NWD2: variants seen among roughly 807,000 people sequenced by gnomAD.
NWD2 encodes NACHT and WD repeat domain containing 2, also known as NACHT and WD repeat domain-containing protein 2.
NWD2 carries 37 observed loss-of-function variants against 132.7 expected under a neutral mutation model. That is an observed-to-expected ratio of 0.28 (90% CI 0.21 to 0.37). The LOEUF (loss-of-function observed/expected upper bound fraction) is 0.37. Ranked by LOEUF, NWD2 falls within the 10% of genes least tolerant of loss-of-function variation. The pLI is 1.00. For synonymous variants in NWD2, 705 were observed against 803.0 expected, an observed-to-expected ratio of 0.88 and a Z score of 2.06; for missense variants, 1,592 against 2,122.4, an observed-to-expected ratio of 0.75 and a Z score of 4.91.
chr4:37,245,929 T>G (rs1717235628), intron 1 of NWD2, among the ~76,000 whole-genome samples: 1 of 152,238 alleles, frequency 6.6e-6, no homozygotes, highest in Non-Finnish European at 1.5e-5. Flanking sequence ...GTTGATTTCT[T>G]GTTGCATTCA....
In NWD2 at chr4:37,446,246, G is replaced by A. The variant is rs779037430; in HGVS notation, c.4258G>A (p.Ala1420Thr). 24 of 1,551,562 alleles carry A rather than the reference G, an allele frequency of 1.5e-5. No individual in the cohort carries two copies. Among genetic ancestry groups the A allele is most frequent in the Non-Finnish European group, 2.1e-5 (24 of 1,147,002 alleles). ...QFVVSLCEEN[A>T]SRVWRLATGH... ...TGTGGTCTCGCTCTGTGAGGAAAAT[G>A]CCTCCAGGGTTTGGAGGCTCGCCAC... Residue 1420 changes from alanine (A) to threonine (T), a missense_variant, in exon 7 of 7, where the codon GCC (alanine) becomes ACC (threonine). By Grantham distance (58) the Ala-to-Thr change is moderately conservative. Transcript: ENST00000309447. This position sits in a 1 kb window ranked among gnomAD's most constrained non-coding sequence, Gnocchi z 6.7.
chr4:37,318,317 C>G (rs112775674), intron 1 of NWD2, among the ~76,000 whole-genome samples: 2 of 152,088 alleles, frequency 1.3e-5, no homozygotes, highest in Non-Finnish European at 2.9e-5. Context: ...TGAGCCACTG[C>G]GCCTGGCCAA....
intron 3 of NWD2, among the ~76,000 whole-genome samples, chr4:37,378,070 T>C (rs535308999): frequency 6.6e-6 from 1 of 152,308 alleles, no homozygotes; most frequent in African/African-American, 2.4e-5. Flanking sequence ...TAGAACTTCT[T>C]ATAATTAAAA....
At chr4:37,351,046 G>A (rs1392726034) in intron 2 of NWD2, among the ~76,000 whole-genome samples, 1 of 152,112 alleles carries the variant, frequency 6.6e-6, no homozygotes, top group Non-Finnish European at 1.5e-5. Context: ...GATCTTGGTG[G>A]ATAAGCTTTT....
chr4:37,294,175 G>C (rs1311522917), intron 1 of NWD2, among the ~76,000 whole-genome samples: 2 of 152,120 alleles, frequency 1.3e-5, no homozygotes. Context: ...CAATCTTGTT[G>C]TAACAGCCTC....
At chr4:37,281,042 G>A (rs972300564) in intron 1 of NWD2, among the ~76,000 whole-genome samples, 1 of 152,142 alleles carries the variant, frequency 6.6e-6, no homozygotes, top group Non-Finnish European at 1.5e-5. Context: ...AGGGTGGGGA[G>A]TGGGTCTGGA....
chr4:37,374,847 CTT>C (rs949864239), intron 3 of NWD2, among the ~76,000 whole-genome samples: 11 of 152,084 alleles, frequency 7.2e-5, no homozygotes, highest in African/African-American at 2.7e-4. Flanking sequence ...AGTAAGAAAA[CTT>C]TTTAAATTAT....
intron 5 of NWD2, among the ~76,000 whole-genome samples, chr4:37,438,024 G>A (rs891583723): frequency 6.6e-6 from 1 of 152,118 alleles, no homozygotes; most frequent in South Asian, 2.1e-4. Flanking sequence ...CACTTTGGGA[G>A]GCTGAGGCAG....
chr4:37,353,623 G>A (rs1719814353), intron 2 of NWD2, among the ~76,000 whole-genome samples: 1 of 151,196 alleles, frequency 6.6e-6, no homozygotes. Context: ...CCTTTCTTCT[G>A]CTTGATCGAT....
rs1026882733 is a variant in NWD2, at chr4:37,294,669, A to G, written c.152-31267A>G. On this transcript the variant is annotated intron_variant, in intron 1 of 6. Coordinates refer to ENST00000309447, the MANE Select transcript of NWD2 (RefSeq NM_001144990.2). ...TTGGAAAACAAAAAACCTTAATTCG[A>G]TAGATTTGACTATTTTTAAGGATAA... Among the ~76,000 whole-genome samples, 4 of 152,200 alleles carry G rather than the reference A, an allele frequency of 2.6e-5. No homozygotes were observed. In the East Asian group the frequency reaches 5.8e-4, roughly 22 times the overall value.
intron 2 of NWD2, among the ~76,000 whole-genome samples, chr4:37,339,706 G>T (rs945515375): frequency 2.0e-5 from 3 of 152,170 alleles, no homozygotes; most frequent in African/African-American, 7.2e-5. Flanking sequence ...AGGGGTACAA[G>T]TATGGTTTTA....
At chr4:37,434,427 T>G (rs1560254911) in intron 5 of NWD2, among the ~76,000 whole-genome samples, 1 of 152,172 alleles carries the variant, frequency 6.6e-6, no homozygotes, top group East Asian at 1.9e-4. Flanking sequence ...CAACTTATTT[T>G]TTTAGAGGGA....
chr4:37,441,647 G>C (rs1712487247), intron 6 of NWD2, among the ~76,000 whole-genome samples: 1 of 152,172 alleles, frequency 6.6e-6, no homozygotes, highest in Admixed American at 6.5e-5. Flanking sequence ...TGCTCTTCTA[G>C]ATATTTTGTC....
intron 2 of NWD2, among the ~76,000 whole-genome samples, chr4:37,335,221 C>T (rs1283870108): frequency 1.4e-5 from 2 of 138,842 alleles, no homozygotes; most frequent in East Asian, 4.3e-4. Context: ...CCTTTGCGAA[C>T]TACATTTGGT....
intron 1 of NWD2, among the ~76,000 whole-genome samples, chr4:37,246,135 G>C (rs1717239335): frequency 6.6e-6 from 1 of 152,190 alleles, no homozygotes; most frequent in Non-Finnish European, 1.5e-5. Context: ...GTCCATGGGA[G>C]ACTGACAGAG....
chr4:37,278,630 G>A (rs1718070531), intron 1 of NWD2, among the ~76,000 whole-genome samples: 1 of 152,184 alleles, frequency 6.6e-6, no homozygotes, highest in Admixed American at 6.5e-5. Flanking sequence ...GAAATGCATT[G>A]CTGCATTTGT....
chr4:37,282,965 C>T (rs149928049), intron 1 of NWD2, among the ~76,000 whole-genome samples: 135 of 152,256 alleles, frequency 8.9e-4, no homozygotes, highest in African/African-American at 3.1e-3. Context: ...CAATTATTGT[C>T]TTACTGGGGA....
chr4:37,327,000 T>A (rs4146678), intron 2 of NWD2, among the ~76,000 whole-genome samples: 2 of 152,120 alleles, frequency 1.3e-5, no homozygotes, highest in Non-Finnish European at 2.9e-5. Flanking sequence ...CACATTGAAT[T>A]GTCACTCATA....
chr4:37,407,767 G>T (rs1336845262), intron 3 of NWD2, among the ~76,000 whole-genome samples: 1 of 152,178 alleles, frequency 6.6e-6, no homozygotes, highest in African/African-American at 2.4e-5. Context: ...GATCAGCTCC[G>T]GTCTGCAGCT....
Sources: allele counts gnomAD v4.1 joint callset (sites outside exome capture counted in the v4.1 genomes callset), GRCh38; gene constraint gnomAD v4.1.1; non-coding constraint Gnocchi (gnomAD v3.1); transcripts MANE v1.5; gene names NCBI Gene and HGNC (gene_info 2026-07-23, HGNC 2026-07-21).